Variants in CNTNAP5 observed in about 807,000 individuals in gnomAD.
CNTNAP5 encodes contactin-associated protein-like 5.
CNTNAP5 carries 72 observed loss-of-function variants against 150.2 expected under a neutral mutation model. The ratio of observed to expected loss-of-function variants is 0.48; its 90% CI spans 0.40 to 0.58. The LOEUF (loss-of-function observed/expected upper bound fraction) is 0.58, where lower values mean the gene tolerates loss of function less well. CNTNAP5 is among the 20% of genes least tolerant of loss of function. The pLI, the probability that CNTNAP5 is intolerant of heterozygous loss-of-function variation, is 0.00. For synonymous variants in CNTNAP5, 672 were observed against 619.8 expected, an observed-to-expected ratio of 1.08 and a Z score of -1.25; for missense variants, 1,636 against 1,626.2, an observed-to-expected ratio of 1.01 and a Z score of -0.10.
At chr2:124,657,910 T>G (rs1678493025) in intron 13 of CNTNAP5, among the ~76,000 whole-genome samples, 1 of 152,262 alleles carries the variant, frequency 6.6e-6, no homozygotes, top group African/African-American at 2.4e-5. Context: ...TCATCCTTCC[T>G]GAATAGTCTG....
intron 3 of CNTNAP5, among the ~76,000 whole-genome samples, chr2:124,303,393 A>G (rs1041494235): frequency 5.3e-5 from 8 of 152,186 alleles, no homozygotes; most frequent in African/African-American, 1.7e-4. Context: ...ACTTGTGCAA[A>G]TGTATATAAC....
chr2:124,668,099 A>G (rs1678737561), intron 13 of CNTNAP5, among the ~76,000 whole-genome samples: 1 of 152,242 alleles, frequency 6.6e-6, no homozygotes. Context: ...ATGATGATGT[A>G]TCAGGGAATT....
At chr2:124,569,594 C>A (rs9653397) in intron 11 of CNTNAP5, among the ~76,000 whole-genome samples, 1 of 152,164 alleles carries the variant, frequency 6.6e-6, no homozygotes, top group African/African-American at 2.4e-5. Flanking sequence ...TTGATCTTCT[C>A]GATGTTTATG....
At chr2:124,683,182 G>C (rs1170729592) in intron 13 of CNTNAP5, among the ~76,000 whole-genome samples, 7 of 152,096 alleles carry the variant, frequency 4.6e-5, no homozygotes, top group African/African-American at 1.7e-4. Flanking sequence ...TCAGCTGTTG[G>C]GGGAGCCGTG....
intron 1 of CNTNAP5, among the ~76,000 whole-genome samples, chr2:124,172,398 C>T (rs750279878): frequency 1.2e-4 from 19 of 152,076 alleles, no homozygotes; most frequent in African/African-American, 4.3e-4. Flanking sequence ...TTTTTGATAT[C>T]ATGGTCCTTT....
chr2:124,908,792 G>T (rs1197756404), intron 22 of CNTNAP5, among the ~76,000 whole-genome samples: 1 of 152,054 alleles, frequency 6.6e-6, no homozygotes, highest in Non-Finnish European at 1.5e-5. Flanking sequence ...ATCCACATAA[G>T]CCTGATCTAC....
intron 12 of CNTNAP5, among the ~76,000 whole-genome samples, chr2:124,623,425 A>G (rs1677658118): frequency 6.6e-6 from 1 of 152,316 alleles, no homozygotes; most frequent in South Asian, 2.1e-4. Flanking sequence ...GTTTATATGC[A>G]TCAATGAAAA....
At chr2:124,363,808 C>G (rs1290777871) in intron 3 of CNTNAP5, among the ~76,000 whole-genome samples, 1 of 152,130 alleles carries the variant, frequency 6.6e-6, no homozygotes, top group Non-Finnish European at 1.5e-5. Flanking sequence ...CGCATATGTC[C>G]AAACTCATTA....
chr2:124,260,877 A>G (rs1687435947), intron 3 of CNTNAP5, among the ~76,000 whole-genome samples: 1 of 152,170 alleles, frequency 6.6e-6, no homozygotes, highest in Non-Finnish European at 1.5e-5. Flanking sequence ...TCATACTTAT[A>G]GACACACGTA....
intron 19 of CNTNAP5, among the ~76,000 whole-genome samples, chr2:124,845,789 A>G (rs1212146864): frequency 6.6e-6 from 1 of 152,128 alleles, no homozygotes; most frequent in Non-Finnish European, 1.5e-5. Context: ...TGTTCATAAT[A>G]ACCTTTAATA....
chr2:124,207,699 T>G, intron 1 of CNTNAP5, among the ~76,000 whole-genome samples: 1 of 152,222 alleles, frequency 6.6e-6, no homozygotes, highest in East Asian at 1.9e-4. Flanking sequence ...TTTCTCATGT[T>G]ATTTGATTGC....
At position 124,764,125 on chromosome 2, in the gene CNTNAP5, C is replaced by T. The variant is rs767005979; in HGVS notation, c.2511C>T (p.Asp837=). ...TCCTAGAAAATCTTGGCATTAAAGA[C>T]TTCATTCGACTCGAAATAAGCTGTA... ...GVFLENLGIK[D]FIRLEISSPS... is the part of the protein sequence containing the mutation. The change falls in exon 16 of 24, where the codon GAC becomes GAT. Residue 837 remains aspartate, a synonymous_variant. Transcript: ENST00000682447. The T allele has an allele frequency of 2.5e-6, 4 of 1,612,622 alleles. No individual in the cohort carries two copies. Among genetic ancestry groups the T allele is most frequent in the Admixed American group, 1.7e-5 (1 of 59,920 alleles).
chr2:124,527,553 T>A, intron 10 of CNTNAP5, 97 bp downstream of exon 10: 8 of 921,322 alleles, frequency 8.7e-6, no homozygotes, highest in Non-Finnish European at 1.3e-5. Flanking sequence ...TCCACCGACA[T>A]TAGCCACATT....
intron 1 of CNTNAP5, among the ~76,000 whole-genome samples, chr2:124,154,051 G>A (rs1303140106): frequency 6.6e-6 from 1 of 152,008 alleles, no homozygotes; most frequent in Non-Finnish European, 1.5e-5. Flanking sequence ...ATGAATTTTA[G>A]GGGGCACAAA....
chr2:124,919,989 A>C lies in CNTNAP5; in HGVS notation c.*5701A>C, dbSNP rs17012156. On this transcript the variant is annotated 3_prime_UTR_variant, in exon 24 of 24. Transcript: ENST00000682447. ...ATTCATCCTGACATGAATAAGCATA[A>C]CATAACTGTAAGAAGGAGTGTAGTG... Among the ~76,000 whole-genome samples, 4,724 of 152,098 alleles carry C rather than the reference A, an allele frequency of 0.031. 267 individuals are homozygous for C. Among genetic ancestry groups the C allele is most frequent in the African/African-American group, 0.11 (4,430 of 41,478 alleles).
intron 3 of CNTNAP5, among the ~76,000 whole-genome samples, chr2:124,330,060 C>G (rs1171586218): frequency 6.6e-6 from 1 of 152,100 alleles, no homozygotes; most frequent in Non-Finnish European, 1.5e-5. Flanking sequence ...GGATTCTTCT[C>G]TTCTTGAGGC....
At chr2:124,730,982 A>G (rs1458007320) in intron 13 of CNTNAP5, among the ~76,000 whole-genome samples, 1 of 152,018 alleles carries the variant, frequency 6.6e-6, no homozygotes, top group Non-Finnish European at 1.5e-5. Flanking sequence ...GTAATTGCAA[A>G]GTTCTTCATA....
chr2:124,419,896 T>TTTTCTTTCTTTCTTTCTTTC (rs776205045), intron 4 of CNTNAP5, among the ~76,000 whole-genome samples: 76 of 85,232 alleles, frequency 8.9e-4, no homozygotes, highest in East Asian at 3.3e-3. Flanking sequence ...ACTGGATTGG[T>TTTTCTTTCTTTCTTTCTTTC]TTTCTTTCTT....
chr2:124,919,770 T>G lies in CNTNAP5; in HGVS notation c.*5482T>G, dbSNP rs1558827227. Among the ~76,000 whole-genome samples the G allele has an allele frequency of 6.6e-6, 1 of 152,094 alleles. No individual in the cohort carries two copies. Among genetic ancestry groups the G allele is most frequent in the Non-Finnish European group, 1.5e-5 (1 of 67,998 alleles). ...CATTCTTTTTTTTCAATTTTTAAAT[T>G]TTTTTTCAGGATTTTCTCAGAGTGC... On this transcript the variant is annotated 3_prime_UTR_variant, in exon 24 of 24. Transcript: ENST00000682447.
Sources: allele counts gnomAD v4.1 joint callset (sites outside exome capture counted in the v4.1 genomes callset), GRCh38; gene constraint gnomAD v4.1.1; transcripts MANE v1.5; gene names NCBI Gene and HGNC (gene_info 2026-07-23, HGNC 2026-07-21).